The following TNR variants were observed in gnomAD, a reference collection of about 807,000 sequenced individuals.
The protein encoded by TNR is tenascin R.
In TNR, 45 loss-of-function variants were observed where a neutral mutation model predicts 150.4. The observed-to-expected ratio is 0.30, with a 90% CI of 0.24 to 0.38. The LOEUF (loss-of-function observed/expected upper bound fraction) is 0.38, where lower values mean the gene tolerates loss of function less well. TNR is among the 10% of genes least tolerant of loss of function. TNR has a pLI of 1.00. For synonymous variants in TNR, 687 were observed against 678.4 expected (o/e 1.01, Z -0.20); for missense variants, 1,544 against 1,759.1 (o/e 0.88, Z 2.19).
intron 2 of TNR, among the ~76,000 whole-genome samples, chr1:175,478,660 C>T (rs859415): frequency 0.57 from 86,565 of 151,586 alleles, 24,940 homozygotes; most frequent in East Asian, 0.66. Context: ...GCCTCCAGGG[C>T]GATGCTGTAC....
intron 1 of TNR, among the ~76,000 whole-genome samples, chr1:175,541,779 C>T (rs1376233262): frequency 6.6e-6 from 1 of 152,148 alleles, no homozygotes; most frequent in African/African-American, 2.4e-5. Context: ...TAGGGTTCAA[C>T]CCCACCCCTG....
In TNR at chr1:175,379,563, G is replaced by A. The variant is rs1448048551; in HGVS notation, c.1952C>T (p.Ala651Val). ...TAGGTCTTACTCACCTGTCAGGGTG[G>A]CCCTGGTGGTTGGACCAATGCCCCT... ...VPRGIGPTTR[A>V]TLTDLVPGTE... Residue 651 changes from alanine to valine, a missense_variant, in exon 9 of 23, where the codon GCC (alanine) becomes GTC (valine). Ala to Val is a moderately conservative substitution (Grantham distance 64). Coordinates refer to ENST00000367674, the MANE Select transcript of TNR (RefSeq NM_003285.3). 2.5e-6 allele frequency: 4 copies of A among 1,613,046 alleles called. No homozygotes were observed. The African/African-American group carries it at 4.0e-5, about 16-fold the overall frequency.
intron 2 of TNR, among the ~76,000 whole-genome samples, chr1:175,490,415 CT>C (rs1173256576): frequency 6.6e-6 from 1 of 152,180 alleles, no homozygotes; most frequent in Non-Finnish European, 1.5e-5. Flanking sequence ...ACAAAAGAAA[CT>C]ATCAACGGAG....
At chr1:175,671,575 T>C (rs1299605854) in intron 1 of TNR, among the ~76,000 whole-genome samples, 5 of 152,200 alleles carry the variant, frequency 3.3e-5, no homozygotes, top group Admixed American at 2.6e-4. Context: ...CTGGATATCA[T>C]AGTACAGCAA....
At chr1:175,359,852 G>A (rs1390713013) in intron 14 of TNR, 121 bp from the exon 15 acceptor site, 9 of 1,278,452 alleles carry the variant, frequency 7.0e-6, no homozygotes, top group Non-Finnish European at 9.4e-6. Flanking sequence ...AAACAAAGAA[G>A]TGAGCAGAAA....
chr1:175,456,144 C>A (rs546137747), intron 2 of TNR, among the ~76,000 whole-genome samples: 2 of 152,158 alleles, frequency 1.3e-5, no homozygotes, highest in Non-Finnish European at 2.9e-5. Context: ...CTCCTGAATA[C>A]GCCAGGCAAG....
intron 1 of TNR, among the ~76,000 whole-genome samples, chr1:175,597,937 C>A (rs920090667): frequency 2.0e-5 from 3 of 152,208 alleles, no homozygotes; most frequent in African/African-American, 4.8e-5. Flanking sequence ...ATTGAACAGA[C>A]CTCTGCACCA....
intron 8 of TNR, among the ~76,000 whole-genome samples, chr1:175,384,729 T>G (rs1270449264): frequency 6.6e-6 from 1 of 152,236 alleles, no homozygotes; most frequent in Non-Finnish European, 1.5e-5. Flanking sequence ...TGTTCCTCTA[T>G]GCTCTAAGTC....
chr1:175,581,670 A>AT (rs1662354654), intron 1 of TNR, among the ~76,000 whole-genome samples: 2 of 152,108 alleles, frequency 1.3e-5, no homozygotes, highest in Admixed American at 6.6e-5. Flanking sequence ...TCTTTGGGGC[A>AT]TTTTTTTCTT....
intron 22 of TNR, 69 bp downstream of exon 22, chr1:175,324,279 CTTTTAAAA>C: frequency 6.8e-7 from 1 of 1,471,666 alleles, no homozygotes; most frequent in African/African-American, 1.4e-5. Context: ...CTCACATGTG[CTTTTAAAA>C]TATAAAGCTA....
chr1:175,510,802 C>T (rs951658200), intron 2 of TNR, among the ~76,000 whole-genome samples: 1 of 152,146 alleles, frequency 6.6e-6, no homozygotes, highest in Non-Finnish European at 1.5e-5. Flanking sequence ...GATAGCTTTG[C>T]CACAGCTTCC....
chr1:175,334,007 G>A (rs891733916), intron 20 of TNR, among the ~76,000 whole-genome samples: 1 of 152,228 alleles, frequency 6.6e-6, no homozygotes, highest in Non-Finnish European at 1.5e-5. Flanking sequence ...TTAGGGTGTA[G>A]AGGAGTCTTC....
At chr1:175,379,119 C>A (rs907209717) in intron 9 of TNR, among the ~76,000 whole-genome samples, 3 of 145,364 alleles carry the variant, frequency 2.1e-5, no homozygotes, top group African/African-American at 7.7e-5. Context: ...GCAGAGGTTG[C>A]AGTGAGCCAA....
chr1:175,708,736 C>T, intron 1 of TNR, among the ~76,000 whole-genome samples: 1 of 152,252 alleles, frequency 6.6e-6, no homozygotes, highest in South Asian at 2.1e-4. Flanking sequence ...ACACTTCGGG[C>T]CTTAAGAAGG....
rs773313403 is a variant in TNR, at chr1:175,459,836, A to G, written c.-63-53059T>C. ...AGTAATGCCCGGAAAGATTCTATAAATGGTTTCTTTCATCTCCTATTGAAA... is the reference window on the plus strand; with the variant it reads ...AGTAATGCCCGGAAAGATTCTATAAGTGGTTTCTTTCATCTCCTATTGAAA... On this transcript the variant is annotated intron_variant, in intron 2 of 22. Transcript: ENST00000367674. 2.6e-5 allele frequency among the ~76,000 whole-genome samples: 4 copies of G among 151,374 alleles called. No homozygotes were observed. The South Asian group carries it at 8.4e-4, about 32-fold the overall frequency.
At chr1:175,626,528 C>T (rs1300368011) in intron 1 of TNR, among the ~76,000 whole-genome samples, 1 of 152,188 alleles carries the variant, frequency 6.6e-6, no homozygotes. Context: ...AAAACAATCC[C>T]TCCCTGTCCC....
chr1:175,616,160 G>A (rs1220524806), intron 1 of TNR, among the ~76,000 whole-genome samples: 1 of 152,176 alleles, frequency 6.6e-6, no homozygotes, highest in Admixed American at 6.5e-5. Context: ...ACCCTAAAGG[G>A]CATTTCTAGA....
At chr1:175,704,172 C>T (rs1308400074) in intron 1 of TNR, among the ~76,000 whole-genome samples, 1 of 152,158 alleles carries the variant, frequency 6.6e-6, no homozygotes, top group Non-Finnish European at 1.5e-5. Flanking sequence ...AATAAGTACA[C>T]TAAACTGTAC....
chr1:175,649,821 T>G (rs1664901842), intron 1 of TNR, among the ~76,000 whole-genome samples: 1 of 152,168 alleles, frequency 6.6e-6, no homozygotes, highest in Admixed American at 6.5e-5. Flanking sequence ...CATGAACATG[T>G]GTTCTAGAAA....
Sources: gnomAD v4.1 joint callset for allele counts (sites outside exome capture counted in the v4.1 genomes callset) on GRCh38, gnomAD v4.1.1 for gene constraint, MANE v1.5 for transcripts, NCBI Gene and HGNC (gene_info 2026-07-23, HGNC 2026-07-21) for gene names.